Variants in ATP8B4 observed in about 807,000 individuals in gnomAD.
ATP8B4 encodes ATPase phospholipid transporting 8B4 (putative).
A neutral mutation model predicts 145.6 loss-of-function variants in ATP8B4; 133 were observed. The ratio of observed to expected loss-of-function variants is 0.91; its 90% CI spans 0.79 to 1.05. The LOEUF (loss-of-function observed/expected upper bound fraction) is 1.05. Ranked by LOEUF, ATP8B4 falls within the 50% of genes least tolerant of loss-of-function variation. ATP8B4 has a pLI of 0.00. For missense variants in ATP8B4, 1,458 were observed against 1,425.2 expected (o/e 1.02, Z -0.37); for synonymous variants, 507 against 492.9 (o/e 1.03, Z -0.38).
intron 1 of ATP8B4, among the ~76,000 whole-genome samples, chr15:50,173,174 C>G (rs1304626093): frequency 3.3e-5 from 5 of 151,686 alleles, no homozygotes; most frequent in Non-Finnish European, 7.4e-5. Context: ...TCTGCCCGGC[C>G]GCCACCCCGT....
chr15:49,970,616 TGA>T (rs1567108514), intron 13 of ATP8B4, among the ~76,000 whole-genome samples: 1 of 152,004 alleles, frequency 6.6e-6, no homozygotes, highest in African/African-American at 2.4e-5. Context: ...TTCTAGAACA[TGA>T]GAGAGGACAC....
At chr15:50,178,293 C>T (rs570780826) in intron 1 of ATP8B4, among the ~76,000 whole-genome samples, 9 of 152,244 alleles carry the variant, frequency 5.9e-5, no homozygotes, top group South Asian at 2.1e-4. Context: ...CCTATGGGGA[C>T]GGAGAATCTC....
chr15:49,879,203 TA>T (rs890798575), intron 24 of ATP8B4, among the ~76,000 whole-genome samples, 172 bp downstream of exon 24: 1 of 152,064 alleles, frequency 6.6e-6, no homozygotes, highest in Non-Finnish European at 1.5e-5. Context: ...AGCTAGGGTA[TA>T]GGGGTAAGGG....
At chr15:49,878,250 G>A (rs2077760424) in intron 24 of ATP8B4, among the ~76,000 whole-genome samples, 1 of 152,190 alleles carries the variant, frequency 6.6e-6, no homozygotes, top group African/African-American at 2.4e-5. Context: ...TGGGCGCTGA[G>A]AAATGAATGT....
At chr15:49,977,992 C>T (rs1000665178) in intron 12 of ATP8B4, among the ~76,000 whole-genome samples, 5 of 152,006 alleles carry the variant, frequency 3.3e-5, no homozygotes, top group Non-Finnish European at 7.4e-5. Flanking sequence ...ATTATAAATA[C>T]GTTTTCTGTC....
intron 6 of ATP8B4, among the ~76,000 whole-genome samples, chr15:50,034,337 C>A (rs1407988005): frequency 6.7e-6 from 1 of 148,904 alleles, no homozygotes; most frequent in Non-Finnish European, 1.5e-5. Context: ...TCAAATAATT[C>A]TCCTGCCTCA....
At chr15:50,086,052 T>A (rs8027986) in intron 2 of ATP8B4, among the ~76,000 whole-genome samples, 9 of 107,090 alleles carry the variant, frequency 8.4e-5, no homozygotes, top group Admixed American at 3.7e-4. Context: ...AATATATAGA[T>A]CTATATATAT....
Position 49,859,260 on chromosome 15 carries a change from T to C in ATP8B4, c.*934A>G, listed in dbSNP as rs1329417044. 6.6e-6 allele frequency: 1 copy of C among 152,256 alleles called. No homozygotes were observed. The highest frequency in any genetic ancestry group is 1.5e-5 in the Non-Finnish European group (1 of 68,042). 9.4% of individuals were successfully genotyped at this position (152,256 alleles called of 1,614,324 possible). On this transcript the variant is annotated 3_prime_UTR_variant, in exon 28 of 28. Transcript: ENST00000284509. ...TTAAATAGTAATTAAAACAATTATT[T>C]ATTAATTTGTTTGGCTTCAATTCTG... is the stretch of plus-strand genomic sequence containing the variant.
chr15:50,014,970 T>A (rs2048979479), intron 6 of ATP8B4, among the ~76,000 whole-genome samples: 1 of 152,178 alleles, frequency 6.6e-6, no homozygotes, highest in African/African-American at 2.4e-5. Flanking sequence ...GTAGCAGAAA[T>A]TGATTAGAAG....
chr15:49,935,937 A>C (rs940564537), intron 14 of ATP8B4, among the ~76,000 whole-genome samples: 1 of 152,172 alleles, frequency 6.6e-6, no homozygotes. Context: ...CTAACTGGTA[A>C]GATGACGTTA....
chr15:49,986,318 T>G (rs748761004), intron 10 of ATP8B4, among the ~76,000 whole-genome samples: 28 of 152,296 alleles, frequency 1.8e-4, no homozygotes, highest in Non-Finnish European at 3.5e-4. Flanking sequence ...ACCATGAAAT[T>G]TCCCTATCAT....
intron 7 of ATP8B4, among the ~76,000 whole-genome samples, chr15:50,007,377 C>T (rs1161420771): frequency 2.0e-5 from 3 of 152,156 alleles, no homozygotes; most frequent in Non-Finnish European, 2.9e-5. Flanking sequence ...GAGTAAGGAA[C>T]AGCAAATGGT....
chr15:50,174,784 A>C (rs959550442), intron 1 of ATP8B4, among the ~76,000 whole-genome samples: 2 of 152,156 alleles, frequency 1.3e-5, no homozygotes, highest in African/African-American at 4.8e-5. Context: ...CAGAATTAGA[A>C]AAAAAACAAT....
rs148522712 is a variant in ATP8B4 at position 49,994,479 on chromosome 15, G to A, written c.589+2198C>T. 2.0e-4 allele frequency among the ~76,000 whole-genome samples: 30 copies of A among 152,232 alleles called. No homozygotes were observed. In the South Asian group the frequency reaches 3.5e-3, roughly 18 times the overall value. ...ACTGAGTACCTACTATGTGCTAGAC[G>A]TTGTTCTAGAAGCTTGGCGTACATC... On this transcript the variant is annotated intron_variant, in intron 9 of 27. Transcript: ENST00000284509.
At chr15:50,105,842 T>C (rs1365805281) in intron 2 of ATP8B4, among the ~76,000 whole-genome samples, 1 of 152,216 alleles carries the variant, frequency 6.6e-6, no homozygotes, top group African/African-American at 2.4e-5. Context: ...TTTGCAACAC[T>C]GGGTCCTGTT....
At chr15:49,901,354 T>C (rs1050448984) in intron 20 of ATP8B4, 115 bp from the exon 21 acceptor site, 42 of 1,132,854 alleles carry the variant, frequency 3.7e-5, no homozygotes, top group Non-Finnish European at 5.2e-5. Context: ...AGAGAGAATA[T>C]GGCATAAGAC....
intron 20 of ATP8B4, among the ~76,000 whole-genome samples, chr15:49,913,983 C>T (rs1010624796): frequency 1.3e-5 from 2 of 151,776 alleles, no homozygotes; most frequent in African/African-American, 4.8e-5. Flanking sequence ...AAATTCCTAA[C>T]ATTCATATGG....
In ATP8B4 at chr15:49,996,901, G is replaced by A. The variant is rs957345267; in HGVS notation, c.507-142C>T. ...CTCCTTTGAATGTCATTCACACTTC[G>A]CTCACTGTTTCAGGAAAGTAGGCAG... On this transcript the variant is annotated intron_variant, in intron 8 of 27. Coordinates refer to ENST00000284509, the MANE Select transcript of ATP8B4 (RefSeq NM_024837.4). 5.7e-5 allele frequency: 34 copies of A among 601,640 alleles called. 1 individual carries two copies. Among genetic ancestry groups the A allele is most frequent in the Admixed American group, 3.8e-4 (15 of 39,932 alleles). 37.3% of individuals were successfully genotyped at this position (601,640 alleles called of 1,614,324 possible).
intron 10 of ATP8B4, among the ~76,000 whole-genome samples, chr15:49,981,665 A>G (rs2046168774): frequency 6.6e-6 from 1 of 152,208 alleles, no homozygotes; most frequent in African/African-American, 2.4e-5. Flanking sequence ...TGCAGCAACA[A>G]ACACAATTCA....
Sources: allele counts gnomAD v4.1 joint callset (sites outside exome capture counted in the v4.1 genomes callset), GRCh38; gene constraint gnomAD v4.1.1; transcripts MANE v1.5; gene names NCBI Gene and HGNC (gene_info 2026-07-23, HGNC 2026-07-21).